SH2D3A: variants seen among roughly 807,000 people sequenced by gnomAD.
SH2D3A encodes the protein SH2 domain containing 3A, also known as SH2 domain-containing protein 3A.
In SH2D3A, 46 loss-of-function variants were observed where a neutral mutation model predicts 50.6. The observed-to-expected ratio is 0.91, with a 90% CI of 0.72 to 1.16. The LOEUF is 1.16. SH2D3A is among the 50% of genes most tolerant of loss of function. SH2D3A has a pLI of 0.00. For synonymous variants in SH2D3A, 377 were observed against 348.4 expected (o/e 1.08, Z -0.91); for missense variants, 783 against 786.2 (o/e 1.00, Z 0.05).
Position 6,754,740 on chromosome 19 carries a change from G to A in SH2D3A, c.982-9C>T, listed in dbSNP as rs540636347. The A allele has an allele frequency of 9.2e-5, 149 of 1,613,894 alleles. 1 individual carries two copies. In the South Asian group the frequency reaches 1.6e-3, roughly 17 times the overall value. On this transcript the variant is annotated splice_polypyrimidine_tract_variant and intron_variant, in intron 5 of 9. Transcript: ENST00000245908. ...CCCAGGAGGCCTGTGGCCTGCAGAAGGGAATGGGGAAGTCAGGTGAAGCGT... is the reference window on the plus strand; with the variant it reads ...CCCAGGAGGCCTGTGGCCTGCAGAAAGGAATGGGGAAGTCAGGTGAAGCGT...
At chr19:6,766,694 C>G (rs1023829121) in intron 1 of SH2D3A, among the ~76,000 whole-genome samples, 2 of 152,196 alleles carry the variant, frequency 1.3e-5, no homozygotes, top group Non-Finnish European at 2.9e-5. Context: ...ACCCTGCCCT[C>G]CAGAGCTTGC....
Position 6,754,138 on chromosome 19 carries a change from C to T in SH2D3A, c.1298G>A (p.Arg433His), listed in dbSNP as rs774103600. 3.1e-6 allele frequency: 5 copies of T among 1,613,240 alleles called. No homozygotes were observed. The highest frequency in any genetic ancestry group is 4.2e-6 in the Non-Finnish European group (5 of 1,179,718). ...CTCCGTGTGGCTCCTTCGGAGCTGG[C>T]GCCACGTGTGCTCCAACCGGGACAC... ...PQVSRLEHTW[R>H]QLRRSHTEAA... The change falls in exon 8 of 10, where the codon CGC becomes CAC. Residue 433 changes from arginine (R) to histidine (H), a missense_variant. Coordinates refer to ENST00000245908, the MANE Select transcript of SH2D3A (RefSeq NM_005490.3).
chr19:6,754,073 G>A lies in SH2D3A; in HGVS notation c.1363C>T (p.Arg455Trp). Residue 455 changes from arginine to tryptophan, a missense_variant, in exon 8 of 10, where the codon CGG (arginine) becomes TGG (tryptophan). Physicochemically the swap from Arg to Trp is moderately radical, Grantham distance 101. Coordinates refer to ENST00000245908, the MANE Select transcript of SH2D3A (RefSeq NM_005490.3). ...TTACCAGCGCCCTCATCCAGAGCCC[G>A]CATCAGCGGCTTCAGCTCCTGCTCA... ...AFEQELKPLM[R>W]ALDEGAGPCD... The A allele has an allele frequency of 6.2e-7, 1 of 1,609,766 alleles. No individual in the cohort carries two copies. Among genetic ancestry groups the A allele is most frequent in the Non-Finnish European group, 8.5e-7 (1 of 1,177,446 alleles).
At position 6,753,470 on chromosome 19, in the gene SH2D3A, G is replaced by C. The variant is rs373393251; in HGVS notation, c.1556C>G (p.Ala519Gly). 2 of 1,517,978 alleles carry C rather than the reference G, an allele frequency of 1.3e-6. No homozygotes were observed. The highest frequency in any genetic ancestry group is 2.8e-5 in the African/African-American group (2 of 72,402). 94.0% of individuals were successfully genotyped at this position (1,517,978 alleles called of 1,614,324 possible). ...GGAACGCTCACCTCGCAGGCGCTGG[G>C]CTGCCACCTTGCGGAATTTGGGTGC... Reference protein sequence around the residue: ...RDAPKFRKVAAQRLRGFRPNP... With the variant: ...RDAPKFRKVAGQRLRGFRPNP... Residue 519 changes from alanine to glycine, a missense_variant, in exon 9 of 10, where the codon GCC (alanine) becomes GGC (glycine). By Grantham distance (60) the Ala-to-Gly change is moderately conservative. Coordinates refer to ENST00000245908, the MANE Select transcript of SH2D3A (RefSeq NM_005490.3).
At chr19:6,764,746 C>T (rs1970211761) in intron 1 of SH2D3A, among the ~76,000 whole-genome samples, 1 of 151,930 alleles carries the variant, frequency 6.6e-6, no homozygotes, top group African/African-American at 2.4e-5. Flanking sequence ...TGCTTTATTG[C>T]CCAGGCTGGA....
rs1190769452 is a variant in SH2D3A, at chr19:6,755,048, GC to G, written c.763del (p.Ala255ProfsTer70). ...ATCCTCCTCGGCCTCCCACCATGGG[GC>G]CTCTGGCTCTGGGCAGCTTTGGCTC... ...SPSQSCPEPE[A>X]PWWEAEEDEE... On this transcript the variant is annotated frameshift_variant, in exon 5 of 10. Transcript: ENST00000245908. LOFTEE classifies it high-confidence loss of function. 1.9e-6 allele frequency: 3 copies of G among 1,613,920 alleles called. No homozygotes were observed. The highest frequency in any genetic ancestry group is 2.5e-6 in the Non-Finnish European group (3 of 1,180,030).
intron 6 of SH2D3A, 45 bp downstream of exon 6, chr19:6,754,571 G>A (rs916823044): frequency 6.2e-7 from 1 of 1,610,916 alleles, no homozygotes; most frequent in Non-Finnish European, 8.5e-7. Context: ...TGGGAAGTGG[G>A]GGGAATTGGC....
chr19:6,755,418 C>T, intron 4 of SH2D3A, 103 bp from the exon 5 acceptor site: 1 of 767,476 alleles, frequency 1.3e-6, no homozygotes, highest in South Asian at 3.5e-5. Context: ...TCCATCCACT[C>T]ATTCCAATAA....
At chr19:6,756,507 G>A (rs1040368970) in intron 4 of SH2D3A, among the ~76,000 whole-genome samples, 9 of 151,506 alleles carry the variant, frequency 5.9e-5, no homozygotes. Context: ...GTATCTGTGT[G>A]CCATGGTGGT....
Position 6,754,347 on chromosome 19 carries a change from C to T in SH2D3A, c.1176G>A (p.Leu392=). 1 of 1,574,594 alleles carries T rather than the reference C, an allele frequency of 6.4e-7. No individual in the cohort carries two copies. Among genetic ancestry groups the T allele is most frequent in the South Asian group, 1.1e-5 (1 of 88,350 alleles). Reference sequence around the variant, plus strand: ...CCAGCGCCAGCTCTACCAGTCCCCTCAGTGCGGCTGCGCGCTCCTCCAGCG... The same window carrying T: ...CCAGCGCCAGCTCTACCAGTCCCCTTAGTGCGGCTGCGCGCTCCTCCAGCG... ...SGPLEERAAA[L]RGLVELALAL... Residue 392 remains leucine (L), a synonymous_variant, in exon 7 of 10, where the codon CTG becomes CTA. Coordinates refer to ENST00000245908, the MANE Select transcript of SH2D3A (RefSeq NM_005490.3).
intron 1 of SH2D3A, 95 bp from the exon 2 acceptor site, chr19:6,763,911 T>C: frequency 1.1e-5 from 4 of 365,578 alleles, no homozygotes; most frequent in African/African-American, 9.5e-5. Flanking sequence ...AAATCTTTTT[T>C]TTTTTTTTTT....
In SH2D3A at chr19:6,760,830, G is replaced by T. The variant is rs753537539; in HGVS notation, c.227C>A (p.Ala76Asp). 1.9e-6 allele frequency: 3 copies of T among 1,614,284 alleles called. No individual in the cohort carries two copies. Among genetic ancestry groups the T allele is most frequent in the Non-Finnish European group, 2.5e-6 (3 of 1,180,050 alleles). ...ALRPRPGRPT[A>D]LFQLEDEQFP... ...TTGCTCATCCTCCAGTTGAAAGAGG[G>T]CTGTGGGTCGGCCTGGCCGGGGACG... Residue 76 changes from alanine to aspartate, a missense_variant, in exon 3 of 10, where the codon GCC becomes GAC. By Grantham distance (126) the Ala-to-Asp change is moderately radical. Transcript: ENST00000245908.
chr19:6,762,532 G>A lies in SH2D3A; in HGVS notation c.69+1148C>T, dbSNP rs1970084485. On this transcript the variant is annotated intron_variant, in intron 2 of 9. Coordinates refer to ENST00000245908, the MANE Select transcript of SH2D3A (RefSeq NM_005490.3). ...TTTTTTTTTTTTTTTTTTGAGTCAA[G>A]GTCTCTCTCGATTGCCCAGGCTGAG... Among the ~76,000 whole-genome samples, 3 of 122,214 alleles carry A rather than the reference G, an allele frequency of 2.5e-5. No homozygotes were observed. The Admixed American group carries it at 2.9e-4, about 12-fold the overall frequency. The allele number at this position is 122,214 out of a possible 152,430, so 80.2% of individuals were successfully genotyped here. A position where few individuals can be genotyped will look rare whatever the true frequency, so the allele number is the denominator to read the frequency against.
At chr19:6,766,288 T>A (rs958164806) in intron 1 of SH2D3A, among the ~76,000 whole-genome samples, 10 of 152,074 alleles carry the variant, frequency 6.6e-5, no homozygotes, top group African/African-American at 2.4e-4. Flanking sequence ...TCTCCCTTAG[T>A]GAGAGTGAAG....
intron 4 of SH2D3A, among the ~76,000 whole-genome samples, chr19:6,756,119 C>T (rs1969656393): frequency 6.8e-6 from 1 of 147,836 alleles, no homozygotes; most frequent in South Asian, 2.1e-4. Flanking sequence ...TGATATATCT[C>T]TCTATATCAT....
At position 6,754,290 on chromosome 19, in the gene SH2D3A, G is replaced by A. The variant is rs751952175; in HGVS notation, c.1233C>T (p.Pro411=). The part of the protein sequence containing the change: ...ALRPGAAGDL[P]GLAAVMGALL... ...GGGCGCCCATGACTGCAGCCAGCCC[G>A]GGCAGGTCCCCCGCCGCCCCTGGCC... The change falls in exon 7 of 10, where the codon CCC becomes CCT. Residue 411 remains proline (P), a synonymous_variant. Transcript: ENST00000245908. 2.8e-5 allele frequency: 45 copies of A among 1,584,686 alleles called. No homozygotes were observed. The Admixed American group carries it at 7.1e-4, about 25-fold the overall frequency.
At chr19:6,762,356 T>C (rs529328763) in intron 2 of SH2D3A, among the ~76,000 whole-genome samples, 12 of 151,294 alleles carry the variant, frequency 7.9e-5, no homozygotes, top group Admixed American at 7.2e-4. Context: ...GCTACTTTTT[T>C]GTATTTTTAG....
intron 6 of SH2D3A, 84 bp from the exon 7 acceptor site, chr19:6,754,509 C>T (rs1432706197): frequency 6.4e-7 from 1 of 1,562,940 alleles, no homozygotes; most frequent in African/African-American, 1.4e-5. Context: ...TGGCATTGCC[C>T]CATCTCCCTT....
intron 1 of SH2D3A, among the ~76,000 whole-genome samples, chr19:6,766,715 G>T (rs1487873506): frequency 1.3e-5 from 2 of 152,216 alleles, no homozygotes; most frequent in South Asian, 2.1e-4. Context: ...AGTCGGCTGC[G>T]CAAGACAGAC....
Sources: allele counts gnomAD v4.1 joint callset (sites outside exome capture counted in the v4.1 genomes callset), GRCh38; gene constraint gnomAD v4.1.1; transcripts MANE v1.5; gene names NCBI Gene and HGNC (gene_info 2026-07-23, HGNC 2026-07-21).